The following WWOX variants were observed in gnomAD, a reference collection of about 807,000 sequenced individuals.
WWOX encodes the protein WW domain-containing oxidoreductase.
WWOX carries 69 observed loss-of-function variants against 46.2 expected under a neutral mutation model. The observed-to-expected ratio is 1.49, with a 90% confidence interval of 1.23 to 1.82. The LOEUF (loss-of-function observed/expected upper bound fraction) is 1.82, where lower values mean the gene tolerates loss of function less well. WWOX is among the 40% of genes most tolerant of loss of function. The probability of loss-of-function intolerance (pLI) is 0.00; values close to 1 mark genes in which losing one functional copy is unlikely to be tolerated. For missense variants in WWOX, 919 were observed against 542.6 expected, an observed-to-expected ratio of 1.69 and a Z score of -6.89; for synonymous variants, 359 against 202.6, an observed-to-expected ratio of 1.77 and a Z score of -6.56.
chr16:78,650,984 C>G (rs779157443), intron 8 of WWOX, among the ~76,000 whole-genome samples: 1 of 152,206 alleles, frequency 6.6e-6, no homozygotes, highest in South Asian at 2.1e-4. Context: ...CAGAGGGATT[C>G]GTAAGCTTAG....
At chr16:78,895,907 G>T (rs1298518697) in intron 8 of WWOX, 1 of 152,160 alleles carries the variant, frequency 6.6e-6, no homozygotes, top group Non-Finnish European at 1.5e-5. Context: ...TATTACTCCT[G>T]TCTTCTCTTT....
intron 8 of WWOX, among the ~76,000 whole-genome samples, chr16:78,571,981 A>T (rs1483661992): frequency 1.3e-5 from 2 of 152,218 alleles, no homozygotes; most frequent in African/African-American, 2.4e-5. Flanking sequence ...AGAAATAGGG[A>T]ATTTTATGCA....
intron 4 of WWOX, among the ~76,000 whole-genome samples, chr16:78,150,079 G>C (rs977880822): frequency 6.6e-6 from 1 of 152,160 alleles, no homozygotes; most frequent in Non-Finnish European, 1.5e-5. Flanking sequence ...AATGCCAGTA[G>C]CAAGTTCAAG....
intron 8 of WWOX, among the ~76,000 whole-genome samples, chr16:78,499,698 A>G (rs2085011397): frequency 6.6e-6 from 1 of 152,206 alleles, no homozygotes; most frequent in Admixed American, 6.5e-5. Flanking sequence ...GATAAGAACC[A>G]TGTCTTATTT....
intron 8 of WWOX, among the ~76,000 whole-genome samples, chr16:79,208,730 T>C (rs2051608393): frequency 1.3e-5 from 2 of 152,170 alleles, no homozygotes. Flanking sequence ...CTTATTCTGA[T>C]GATATGTAGG....
intron 8 of WWOX, among the ~76,000 whole-genome samples, chr16:79,087,402 C>T (rs1330273846): frequency 1.3e-5 from 2 of 152,190 alleles, no homozygotes; most frequent in Non-Finnish European, 2.9e-5. Flanking sequence ...CCGTAGACAC[C>T]ACTGTGTTTG....
chr16:78,991,331 C>A (rs184939365), intron 8 of WWOX, among the ~76,000 whole-genome samples: 2 of 152,104 alleles, frequency 1.3e-5, no homozygotes, highest in Non-Finnish European at 2.9e-5. Flanking sequence ...CAGTGGCTCA[C>A]GCCTGTAATT....
At chr16:78,552,847 G>C (rs2044206130) in intron 8 of WWOX, 1 of 152,182 alleles carries the variant, frequency 6.6e-6, no homozygotes, top group Non-Finnish European at 1.5e-5. Flanking sequence ...GTAAGGCCAA[G>C]ATGAGGAAAT....
At chr16:78,381,326 T>C (rs973163116) in intron 5 of WWOX, among the ~76,000 whole-genome samples, 1 of 152,202 alleles carries the variant, frequency 6.6e-6, no homozygotes. Flanking sequence ...GGTTTCAGTA[T>C]ATATAAAGAA....
intron 8 of WWOX, among the ~76,000 whole-genome samples, chr16:78,949,561 C>T (rs970721859): frequency 1.3e-5 from 2 of 152,212 alleles, no homozygotes; most frequent in East Asian, 1.9e-4. Flanking sequence ...CCAACCCCAA[C>T]ACATAATGCT....
chr16:78,604,254 C>T (rs1048767245), intron 8 of WWOX, among the ~76,000 whole-genome samples: 2 of 152,170 alleles, frequency 1.3e-5, no homozygotes, highest in South Asian at 2.1e-4. Flanking sequence ...ACTCCTGGGG[C>T]ACCCTTCCTT....
intron 8 of WWOX, among the ~76,000 whole-genome samples, chr16:79,075,753 TG>T (rs1445057252): frequency 6.6e-6 from 1 of 152,092 alleles, no homozygotes; most frequent in Non-Finnish European, 1.5e-5. Context: ...GGGTCTCATC[TG>T]GTGATTTTTC....
intron 8 of WWOX, among the ~76,000 whole-genome samples, chr16:78,511,379 A>C (rs1340001961): frequency 6.6e-6 from 1 of 152,206 alleles, no homozygotes; most frequent in Non-Finnish European, 1.5e-5. Context: ...GAAATAATGC[A>C]CACCAGAAAC....
chr16:78,393,546 AAT>A (rs2082221642), intron 6 of WWOX, among the ~76,000 whole-genome samples: 1 of 152,192 alleles, frequency 6.6e-6, no homozygotes, highest in South Asian at 2.1e-4. Context: ...TCCCTGATAA[AAT>A]AGAGAACTGA....
intron 5 of WWOX, among the ~76,000 whole-genome samples, chr16:78,271,414 C>T (rs1010510485): frequency 6.6e-6 from 1 of 152,202 alleles, no homozygotes; most frequent in South Asian, 2.1e-4. Context: ...ATCCTACAAG[C>T]GTGCTTACCT....
chr16:79,032,078 TATAA>T (rs2047772940), intron 8 of WWOX, among the ~76,000 whole-genome samples: 2 of 144,592 alleles, frequency 1.4e-5, no homozygotes, highest in African/African-American at 5.0e-5. Flanking sequence ...ATTATATATA[TATAA>T]AATATATATT....
chr16:79,055,111 A>G (rs1318264431), intron 8 of WWOX, among the ~76,000 whole-genome samples: 8 of 152,210 alleles, frequency 5.3e-5, no homozygotes, highest in African/African-American at 1.7e-4. Flanking sequence ...TAAATAATCC[A>G]TATGAGACAA....
At position 78,108,487 on chromosome 16, in the gene WWOX, G is replaced by C; in HGVS notation, c.172G>C (p.Asp58His). The change falls in exon 2 of 9, where the codon GAT (aspartate) becomes CAT (histidine). Residue 58 changes from aspartate to histidine, a missense_variant and splice_region_variant. By Grantham distance (81) the Asp-to-His change is moderately conservative. Coordinates refer to ENST00000566780, the MANE Select transcript of WWOX (RefSeq NM_016373.4). The stretch of plus-strand genomic sequence containing the variant: ...TGGAAAAAGAAAACGAGTGGCAGGA[G>C]GTTTGTATGTTGTTGTCTAAGGATC... ...KTGKRKRVAG[D>H]LPYGWEQETD... The C allele has an allele frequency of 3.7e-6, 6 of 1,613,900 alleles. No homozygotes were observed. Among genetic ancestry groups the C allele is most frequent in the Non-Finnish European group, 4.2e-6 (5 of 1,179,878 alleles).
chr16:78,813,863 T>C (rs1051216436), intron 8 of WWOX, among the ~76,000 whole-genome samples: 7 of 152,210 alleles, frequency 4.6e-5, no homozygotes, highest in African/African-American at 1.4e-4. Flanking sequence ...TCAGCACATT[T>C]AGCAAGCATG....
Sources: allele counts gnomAD v4.1 joint callset (sites outside exome capture counted in the v4.1 genomes callset), GRCh38; gene constraint gnomAD v4.1.1; transcripts MANE v1.5; gene names NCBI Gene and HGNC (gene_info 2026-07-23, HGNC 2026-07-21).